The following SLC24A2 variants were observed in gnomAD, a reference collection of about 807,000 sequenced individuals.
SLC24A2 encodes solute carrier family 24 member 2.
SLC24A2 carries 36 observed loss-of-function variants against 62.0 expected under a neutral mutation model. The ratio of observed to expected loss-of-function variants is 0.58; its 90% CI spans 0.44 to 0.77. The LOEUF is 0.77. Ranked by LOEUF, SLC24A2 falls within the 30% of genes least tolerant of loss-of-function variation. SLC24A2 has a pLI of 0.00. For missense variants in SLC24A2, 846 were observed against 817.9 expected (o/e 1.03, Z -0.42); for synonymous variants, 358 against 294.0 (o/e 1.22, Z -2.23).
chr9:19,948,102 C>T, the SLC24A2 span, among the ~76,000 whole-genome samples: 1 of 152,174 alleles, frequency 6.6e-6, no homozygotes, highest in Non-Finnish European at 1.5e-5. Context: ...AATCCAAGTT[C>T]CAGAAGTGGA....
chr9:19,792,130 G>A (rs1823326269), upstream of SLC24A2, among the ~76,000 whole-genome samples: 1 of 152,200 alleles, frequency 6.6e-6, no homozygotes, highest in South Asian at 2.1e-4. Flanking sequence ...TTTTCACATA[G>A]TTATCTAGGC....
Position 19,636,363 on chromosome 9 carries a change from CTTTCTTTCTTTCTTTCTTTCTTT to C in SLC24A2, c.931-14087_931-14065del, listed in dbSNP as rs1818345996. Among the ~76,000 whole-genome samples the C allele has an allele frequency of 3.7e-4, 13 of 35,588 alleles. 2 individuals carry two copies. The highest frequency in any genetic ancestry group is 6.8e-4 in the Admixed American group (2 of 2,956). The allele number at this position is 35,588 out of a possible 152,430, so 23.3% of individuals were successfully genotyped here. A position where few individuals can be genotyped will look rare whatever the true frequency, so the allele number is the denominator to read the frequency against. On this transcript the variant is annotated intron_variant, in intron 2 of 10. Transcript: ENST00000341998. ...TCTTTCTTTCTTTCTTTCTTTCTTT[CTTTCTTTCTTTCTTTCTTTCTTT>C]CTCCCTCTCTCTCTCTCTCTCTTTC...
At chr9:20,061,211 G>C in the SLC24A2 span, among the ~76,000 whole-genome samples, 4 of 151,542 alleles carry the variant, frequency 2.6e-5, no homozygotes, top group Non-Finnish European at 4.4e-5. Flanking sequence ...AGACAGTGTG[G>C]TATTCATATA....
At chr9:19,521,457 C>G (rs539613565) in intron 9 of SLC24A2, among the ~76,000 whole-genome samples, 1 of 152,230 alleles carries the variant, frequency 6.6e-6, no homozygotes, top group Non-Finnish European at 1.5e-5. Flanking sequence ...CTTCAACTTA[C>G]TACCAAAACC....
intron 2 of SLC24A2, among the ~76,000 whole-genome samples, chr9:19,710,897 A>G (rs1032749494): frequency 6.6e-6 from 1 of 152,208 alleles, no homozygotes; most frequent in African/African-American, 2.4e-5. Flanking sequence ...ATGACTATAC[A>G]TGAAATGAGA....
At chr9:19,617,547 C>T (rs745662180) in intron 4 of SLC24A2, among the ~76,000 whole-genome samples, 7 of 152,062 alleles carry the variant, frequency 4.6e-5, no homozygotes, top group East Asian at 1.9e-4. Flanking sequence ...AGAATGACAA[C>T]GTAAATGATG....
chr9:19,544,859 A>G (rs202013786), intron 8 of SLC24A2, among the ~76,000 whole-genome samples: 29 of 151,856 alleles, frequency 1.9e-4, no homozygotes, highest in Admixed American at 1.5e-3. Context: ...GCCCTTAACA[A>G]TTTTTCCTTC....
the SLC24A2 span, among the ~76,000 whole-genome samples, chr9:19,820,026 CACATATATATATAT>C: frequency 1.5e-4 from 5 of 34,218 alleles, no homozygotes; most frequent in Admixed American, 1.1e-3. Flanking sequence ...TATATATATA[CACATATATATATAT>C]ACATATATAT....
At chr9:19,568,773 A>G (rs1037361368) in intron 7 of SLC24A2, among the ~76,000 whole-genome samples, 2 of 152,006 alleles carry the variant, frequency 1.3e-5, no homozygotes, top group Non-Finnish European at 2.9e-5. Context: ...TTTTTTTTGG[A>G]AAAGGTAATG....
intron 2 of SLC24A2, among the ~76,000 whole-genome samples, chr9:19,708,757 A>T (rs1274746715): frequency 6.6e-6 from 1 of 152,348 alleles, no homozygotes; most frequent in African/African-American, 2.4e-5. Flanking sequence ...AAATTAATTC[A>T]AGATGGATTA....
At chr9:19,796,665 T>G in the SLC24A2 span, among the ~76,000 whole-genome samples, 1 of 152,244 alleles carries the variant, frequency 6.6e-6, no homozygotes, top group Non-Finnish European at 1.5e-5. Flanking sequence ...ATCATCTTCC[T>G]TCCATATTTT....
At chr9:20,230,662 A>T in the SLC24A2 span, among the ~76,000 whole-genome samples, 1 of 151,970 alleles carries the variant, frequency 6.6e-6, no homozygotes, top group African/African-American at 2.4e-5. Flanking sequence ...GATTGCAAAA[A>T]TTTTCTCTCA....
chr9:20,054,489 G>A, the SLC24A2 span, among the ~76,000 whole-genome samples: 4 of 152,186 alleles, frequency 2.6e-5, no homozygotes, highest in Admixed American at 2.6e-4. Flanking sequence ...ACTGCACCTG[G>A]TCATTTAGTG....
the SLC24A2 span, among the ~76,000 whole-genome samples, chr9:19,982,444 AT>A: frequency 6.6e-6 from 1 of 152,198 alleles, no homozygotes; most frequent in Non-Finnish European, 1.5e-5. Flanking sequence ...CTTGGGGACA[AT>A]TAAAAGATTT....
the SLC24A2 span, among the ~76,000 whole-genome samples, chr9:19,875,344 T>C: frequency 6.6e-6 from 1 of 152,224 alleles, no homozygotes; most frequent in Non-Finnish European, 1.5e-5. Context: ...GATGAAGCCC[T>C]GACTCTGACG....
intron 2 of SLC24A2, among the ~76,000 whole-genome samples, chr9:19,741,210 G>C: frequency 6.6e-6 from 1 of 152,104 alleles, no homozygotes; most frequent in East Asian, 1.9e-4. Flanking sequence ...TGTATTTTCA[G>C]GCTTTGTGAC....
chr9:20,223,454 C>G, the SLC24A2 span, among the ~76,000 whole-genome samples: 1 of 152,226 alleles, frequency 6.6e-6, no homozygotes, highest in East Asian at 1.9e-4. Context: ...GCAACAACAA[C>G]AGAAAAATCC....
the SLC24A2 span, among the ~76,000 whole-genome samples, chr9:20,279,780 C>A: frequency 6.6e-6 from 1 of 152,290 alleles, no homozygotes; most frequent in African/African-American, 2.4e-5. Flanking sequence ...CTGAACTGAT[C>A]ATTTCACCTC....
Position 19,619,674 on chromosome 9 carries a change from G to T in SLC24A2, c.988C>A (p.Arg330=). The change falls in exon 4 of 11, where the codon CGA becomes AGA. Residue 330 remains arginine (R), a synonymous_variant. Transcript: ENST00000341998. Reference sequence around the variant, plus strand: ...TGGAGGGAGGCAGAGCTTCCACCTCGCTGGAGACGCGGCTTAGCCTGAGCA... The same window carrying T: ...TGGAGGGAGGCAGAGCTTCCACCTCTCTGGAGACGCGGCTTAGCCTGAGCA... ...PTLPAKPRLQ[R]GGSSASLHNS... 6.2e-7 allele frequency: 1 copy of T among 1,613,646 alleles called. No homozygotes were observed. Among genetic ancestry groups the T allele is most frequent in the Non-Finnish European group, 8.5e-7 (1 of 1,179,626 alleles).
Sources: gnomAD v4.1 joint callset for allele counts (sites outside exome capture counted in the v4.1 genomes callset) on GRCh38, gnomAD v4.1.1 for gene constraint, MANE v1.5 for transcripts, NCBI Gene and HGNC (gene_info 2026-07-23, HGNC 2026-07-21) for gene names.